Variants in ALDH1L1 observed in about 807,000 individuals in gnomAD.
ALDH1L1 encodes the protein aldehyde dehydrogenase 1 family member L1, also known as cytosolic 10-formyltetrahydrofolate dehydrogenase.
Under a neutral mutation model 101.1 loss-of-function variants are expected in ALDH1L1, and 68 were observed. The ratio of observed to expected loss-of-function variants is 0.67; its 90% CI spans 0.55 to 0.82. The LOEUF (loss-of-function observed/expected upper bound fraction) is 0.82, where lower values mean the gene tolerates loss of function less well. Among genes scored for constraint, ALDH1L1 ranks in the 40% least tolerant of loss-of-function variants. ALDH1L1 has a pLI of 0.00. For missense variants in ALDH1L1, 1,087 were observed against 1,172.7 expected, an observed-to-expected ratio of 0.93 and a Z score of 1.07; for synonymous variants, 486 against 470.8, an observed-to-expected ratio of 1.03 and a Z score of -0.42.
At chr3:126,155,220 T>C (rs1165897081) in intron 5 of ALDH1L1, among the ~76,000 whole-genome samples, 182 bp downstream of exon 5, 1 of 152,108 alleles carries the variant, frequency 6.6e-6, no homozygotes, top group East Asian at 1.9e-4. Flanking sequence ...CCCTCCCAGG[T>C]GCCAGGGTCC....
At chr3:126,123,366 T>C (rs539055881) in intron 16 of ALDH1L1, among the ~76,000 whole-genome samples, 63 of 152,106 alleles carry the variant, frequency 4.1e-4, no homozygotes, top group Non-Finnish European at 4.7e-4. Flanking sequence ...CAGGCGATTC[T>C]TCTGCCTCAG....
At chr3:126,187,485 G>T (rs900528909) in intron 1 of ALDH1L1, among the ~76,000 whole-genome samples, 1 of 152,146 alleles carries the variant, frequency 6.6e-6, no homozygotes, top group Non-Finnish European at 1.5e-5. Context: ...GCAGGAGAGG[G>T]AAGCTCGAGC....
chr3:126,116,605 G>T (rs1282253999), intron 17 of ALDH1L1, among the ~76,000 whole-genome samples: 1 of 152,132 alleles, frequency 6.6e-6, no homozygotes, highest in Admixed American at 6.5e-5. Flanking sequence ...TTTGAATTAG[G>T]AGAGGCAAAC....
chr3:126,162,213 C>G (rs754176152), intron 1 of ALDH1L1, among the ~76,000 whole-genome samples: 15 of 152,186 alleles, frequency 9.9e-5, no homozygotes, highest in Admixed American at 4.6e-4. Context: ...GTACACATCT[C>G]TGTCAGGTGT....
chr3:126,157,734 T>A (rs1053493909), intron 3 of ALDH1L1, among the ~76,000 whole-genome samples: 1 of 152,164 alleles, frequency 6.6e-6, no homozygotes. Context: ...AACTGAGTCC[T>A]CACAGCAGGG....
In ALDH1L1 at chr3:126,131,372, C is replaced by A. The variant is rs762146981; in HGVS notation, c.1623+12G>T. The A allele has an allele frequency of 1.9e-6, 3 of 1,588,164 alleles. No homozygotes were observed. The highest frequency in any genetic ancestry group is 2.6e-6 in the Non-Finnish European group (3 of 1,160,436). On this transcript the variant is annotated intron_variant, in intron 13 of 22. Transcript: ENST00000393434. ...TGCATGTGCTCACACTGGGTGGGAG[C>A]CTGGGCCCCACCTGGATCTTGTCAC...
chr3:126,111,719 G>A (rs1242529620), intron 19 of ALDH1L1, among the ~76,000 whole-genome samples: 1 of 152,158 alleles, frequency 6.6e-6, no homozygotes, highest in Non-Finnish European at 1.5e-5. Context: ...CTTTTTCCCT[G>A]GTTTCCCAGG....
At chr3:126,188,824 C>G (rs1013879597) in intron 1 of ALDH1L1, among the ~76,000 whole-genome samples, 3 of 152,076 alleles carry the variant, frequency 2.0e-5, no homozygotes, top group Non-Finnish European at 4.4e-5. Context: ...AGCATGATAC[C>G]AAGAGTTTAA....
At chr3:126,153,632 A>G in intron 6 of ALDH1L1, 51 bp from the exon 7 acceptor site, 1 of 1,581,142 alleles carries the variant, frequency 6.3e-7, no homozygotes, top group Middle Eastern at 1.7e-4. Context: ...AAGCCCCCGA[A>G]GCCAGTAGCC....
At chr3:126,173,708 A>C (rs1576496026) in intron 1 of ALDH1L1, among the ~76,000 whole-genome samples, 2 of 152,248 alleles carry the variant, frequency 1.3e-5, no homozygotes, top group East Asian at 3.8e-4. Context: ...GTCTACAACA[A>C]ACCCATTTCA....
intron 9 of ALDH1L1, 85 bp from the exon 10 acceptor site, chr3:126,138,045 A>T: frequency 1.3e-6 from 2 of 1,532,484 alleles, no homozygotes; most frequent in Non-Finnish European, 8.9e-7. Context: ...GGGGCCAAAC[A>T]CCCCAGAGAG....
At chr3:126,138,961 A>G (rs1306793302) in intron 9 of ALDH1L1, among the ~76,000 whole-genome samples, 1 of 152,234 alleles carries the variant, frequency 6.6e-6, no homozygotes, top group Non-Finnish European at 1.5e-5. Context: ...ATGTCAATCA[A>G]TTTAAATGAT....
At chr3:126,188,229 T>C (rs35837559) in intron 1 of ALDH1L1, among the ~76,000 whole-genome samples, 40,639 of 152,154 alleles carry the variant, frequency 0.27, 6,133 homozygotes, top group African/African-American at 0.41. Context: ...ATAAATACAG[T>C]TGGCCCTCCA....
At chr3:126,193,343 T>C (rs981902969) in intron 1 of ALDH1L1, among the ~76,000 whole-genome samples, 3 of 152,244 alleles carry the variant, frequency 2.0e-5, no homozygotes, top group Non-Finnish European at 4.4e-5. Context: ...AGCTCAATTA[T>C]GTCACATTTA....
intron 12 of ALDH1L1, among the ~76,000 whole-genome samples, chr3:126,133,259 T>A (rs2080351921): frequency 6.6e-6 from 1 of 152,124 alleles, no homozygotes; most frequent in South Asian, 2.1e-4. Context: ...CTTGGGGTGA[T>A]AAGGTGAAAG....
At chr3:126,103,932 A>C in intron 22 of ALDH1L1, 86 bp from the exon 23 acceptor site, 1 of 1,457,992 alleles carries the variant, frequency 6.9e-7, no homozygotes, top group Non-Finnish European at 9.4e-7. Flanking sequence ...CTCAGCAACC[A>C]CGTGGGGGCA....
intron 9 of ALDH1L1, among the ~76,000 whole-genome samples, chr3:126,144,650 T>G (rs542035652): frequency 5.9e-5 from 9 of 152,294 alleles, no homozygotes; most frequent in African/African-American, 2.2e-4. Flanking sequence ...GATGTCCACA[T>G]GCAAAATAAT....
chr3:126,131,498 C>A lies in ALDH1L1; in HGVS notation c.1509G>T (p.Leu503=), dbSNP rs769768650. 1 of 1,612,872 alleles carries A rather than the reference C, an allele frequency of 6.2e-7. No individual in the cohort carries two copies. The highest frequency in any genetic ancestry group is 1.1e-5 in the South Asian group (1 of 91,032). The stretch of plus-strand genomic sequence containing the variant: ...CCGCATCCAGGGCCTCAATGGTGGC[C>A]AGCTCCTCCTGGTGCTGCTCCATGA... ...ADLMEQHQEE[L]ATIEALDAGA... Residue 503 remains leucine (L), a synonymous_variant, in exon 13 of 23, where the codon CTG becomes CTT. Transcript: ENST00000393434.
intron 4 of ALDH1L1, 106 bp from the exon 5 acceptor site, chr3:126,155,609 G>T (rs945601829): frequency 3.6e-5 from 34 of 935,916 alleles, no homozygotes; most frequent in Non-Finnish European, 5.1e-5. Flanking sequence ...GACCAGACTT[G>T]CCTGGTACAC....
Sources: gnomAD v4.1 joint callset for allele counts (sites outside exome capture counted in the v4.1 genomes callset) on GRCh38, gnomAD v4.1.1 for gene constraint, MANE v1.5 for transcripts, NCBI Gene and HGNC (gene_info 2026-07-23, HGNC 2026-07-21) for gene names.